The following LRP5 variants were observed in gnomAD, a reference collection of about 807,000 sequenced individuals.
The protein encoded by LRP5 is low-density lipoprotein receptor-related protein 5.
A neutral mutation model predicts 154.1 loss-of-function variants in LRP5; 62 were observed. The observed-to-expected ratio is 0.40, with a 90% CI of 0.33 to 0.50. The LOEUF (loss-of-function observed/expected upper bound fraction) is 0.50, where lower values mean the gene tolerates loss of function less well. Among genes scored for constraint, LRP5 ranks in the 20% least tolerant of loss-of-function variants. The pLI is 0.55. For synonymous variants in LRP5, 966 were observed against 1,011.5 expected (o/e 0.96, Z 0.85); for missense variants, 1,915 against 2,336.7 (o/e 0.82, Z 3.72).
intron 1 of LRP5, among the ~76,000 whole-genome samples, chr11:68,328,508 GGCC>G (rs1169563836): frequency 6.6e-6 from 1 of 152,186 alleles, no homozygotes; most frequent in African/African-American, 2.4e-5. Flanking sequence ...CAGGGGAAAC[GGCC>G]GCTTCCCTCT....
intron 1 of LRP5, among the ~76,000 whole-genome samples, chr11:68,325,507 T>TG (rs2098599141): frequency 6.6e-6 from 1 of 152,178 alleles, no homozygotes. Context: ...ACAGGTGGCT[T>TG]GGGGTGTGCT....
intron 3 of LRP5, among the ~76,000 whole-genome samples, chr11:68,361,485 A>C (rs1441289162): frequency 6.6e-6 from 1 of 151,222 alleles, no homozygotes; most frequent in East Asian, 2.0e-4. Context: ...AAATACAAAA[A>C]AATTAGCCAG....
intron 1 of LRP5, among the ~76,000 whole-genome samples, chr11:68,317,476 G>T (rs1047205926): frequency 3.3e-5 from 5 of 152,312 alleles, no homozygotes; most frequent in African/African-American, 1.2e-4. Flanking sequence ...CCCCGAGGGG[G>T]CCTGGAGCCC....
upstream of LRP5, among the ~76,000 whole-genome samples, chr11:68,308,967 T>G (rs1409424483): frequency 1.4e-5 from 2 of 139,720 alleles, no homozygotes; most frequent in Non-Finnish European, 3.0e-5. Context: ...TCTAACTCTG[T>G]CGCCCAGGCT....
chr11:68,369,645 G>A (rs531196451), intron 5 of LRP5, among the ~76,000 whole-genome samples: 2 of 152,208 alleles, frequency 1.3e-5, no homozygotes, highest in African/African-American at 2.4e-5. Flanking sequence ...GTAGTCGTGC[G>A]CCTGTAATCC....
the LRP5 span, among the ~76,000 whole-genome samples, chr11:68,302,713 T>A: frequency 6.6e-6 from 1 of 152,104 alleles, no homozygotes; most frequent in African/African-American, 2.4e-5. Context: ...TGGAGATGGG[T>A]TGGGGGCATG....
chr11:68,402,927 A>T (rs1231587943), intron 7 of LRP5, among the ~76,000 whole-genome samples: 1 of 152,142 alleles, frequency 6.6e-6, no homozygotes, highest in Admixed American at 6.5e-5. Context: ...TCACTGCTCT[A>T]TCAGCTGGGG....
chr11:68,377,815 C>T (rs998229963), intron 5 of LRP5, among the ~76,000 whole-genome samples: 8 of 152,168 alleles, frequency 5.3e-5, no homozygotes, highest in South Asian at 2.1e-4. Flanking sequence ...GGTGGGCGTC[C>T]GGGCAGCAGA....
rs1272935579 is a variant in LRP5, at chr11:68,423,795, C to A, written c.3236+98C>A. ...CCTCTCACAGGCTGGGGAGACTTTC[C>A]ACCCTGGGGATCCAATGGGTGGCTT... On this transcript the variant is annotated intron_variant, in intron 14 of 22. Coordinates refer to ENST00000294304, the MANE Select transcript of LRP5 (RefSeq NM_002335.4). This position sits in a 1 kb window ranked among gnomAD's most constrained non-coding sequence, Gnocchi z 4.7. 1.6e-6 allele frequency: 2 copies of A among 1,219,864 alleles called. No individual in the cohort carries two copies. Among genetic ancestry groups the A allele is most frequent in the African/African-American group, 1.5e-5 (1 of 67,502 alleles). 75.6% of individuals were successfully genotyped at this position (1,219,864 alleles called of 1,614,324 possible). A position where few individuals can be genotyped will look rare whatever the true frequency, so the allele number is the denominator to read the frequency against.
At chr11:68,443,564 TATATATATATATATATATATA>T (rs1565122006) in intron 21 of LRP5, among the ~76,000 whole-genome samples, 4 of 36,430 alleles carry the variant, frequency 1.1e-4, no homozygotes, top group East Asian at 7.9e-4. Context: ...TATATATATA[TATATATATATATATATATATA>T]TTTTTTTTTT....
intron 1 of LRP5, among the ~76,000 whole-genome samples, chr11:68,320,788 G>A (rs1407557884): frequency 6.6e-6 from 1 of 152,044 alleles, no homozygotes; most frequent in African/African-American, 2.4e-5. Flanking sequence ...TAGATTTGTG[G>A]GAGGTCTTTA....
Position 68,447,721 on chromosome 11 carries a change from C to T in LRP5, c.4587-1088C>T, listed in dbSNP as rs1307728232. On this transcript the variant is annotated intron_variant, in intron 22 of 22. Coordinates refer to ENST00000294304, the MANE Select transcript of LRP5 (RefSeq NM_002335.4). This position sits in a 1 kb window ranked among gnomAD's most constrained non-coding sequence, Gnocchi z 4.3. The stretch of plus-strand genomic sequence containing the variant: ...AAGAGGAGTATCCTGTCCTGCTGCA[C>T]TTTTCTCAACACCCGGTGTTGGCTG... 5.3e-5 allele frequency among the ~76,000 whole-genome samples: 8 copies of T among 152,194 alleles called. No individual in the cohort carries two copies. Among genetic ancestry groups the T allele is most frequent in the Admixed American group, 2.6e-4 (4 of 15,266 alleles).
intron 8 of LRP5, 180 bp downstream of exon 8, chr11:68,403,879 A>C (rs946325544): frequency 1.5e-6 from 1 of 670,014 alleles, no homozygotes; most frequent in Non-Finnish European, 2.5e-6. Context: ...GGAGCTGATT[A>C]GGGAGTGGTT....
chr11:68,350,570 T>C (rs936925763), intron 2 of LRP5, among the ~76,000 whole-genome samples: 4 of 152,174 alleles, frequency 2.6e-5, no homozygotes, highest in Non-Finnish European at 4.4e-5. Context: ...CTGACTCCCA[T>C]GGTGCCGGCT....
intron 1 of LRP5, 84 bp from the exon 2 acceptor site, chr11:68,347,763 T>C: frequency 6.7e-7 from 1 of 1,494,614 alleles, no homozygotes. Flanking sequence ...GTACCAGGAG[T>C]GCTCTGGGCA....
At chr11:68,391,505 T>TGCAGG (rs745427244) in intron 7 of LRP5, among the ~76,000 whole-genome samples, 284 of 152,324 alleles carry the variant, frequency 1.9e-3, no homozygotes, top group Non-Finnish European at 3.1e-3. Context: ...TCAGGCAGCT[T>TGCAGG]GCAGGGCAGG....
At chr11:68,370,762 A>C (rs1374929066) in intron 5 of LRP5, among the ~76,000 whole-genome samples, 1 of 152,186 alleles carries the variant, frequency 6.6e-6, no homozygotes, top group Non-Finnish European at 1.5e-5. Context: ...ATTTTGTGTC[A>C]TTTATAGGCC....
chr11:68,336,024 G>A (rs73496728), intron 1 of LRP5, among the ~76,000 whole-genome samples: 3,321 of 152,292 alleles, frequency 0.022, 119 homozygotes, highest in African/African-American at 0.075. Context: ...AAGACTGTAC[G>A]TGTATATCCT....
chr11:68,425,409 G>A (rs895962441), intron 15 of LRP5, 117 bp downstream of exon 15: 5 of 1,063,840 alleles, frequency 4.7e-6, no homozygotes, highest in Admixed American at 4.1e-5. Context: ...CAGGGGCTTT[G>A]TGTGTAGCGT....
Sources: gnomAD v4.1 joint callset for allele counts (sites outside exome capture counted in the v4.1 genomes callset) on GRCh38, gnomAD v4.1.1 for gene constraint, Gnocchi (gnomAD v3.1) non-coding constraint, MANE v1.5 for transcripts, NCBI Gene and HGNC (gene_info 2026-07-23, HGNC 2026-07-21) for gene names.